PIAS3: variants seen among roughly 807,000 people sequenced by gnomAD.
PIAS3 encodes E3 SUMO-protein ligase PIAS3.
A neutral mutation model predicts 67.6 loss-of-function variants in PIAS3; 34 were observed. That is an observed-to-expected ratio of 0.50 (90% confidence interval 0.38 to 0.67). PIAS3 has a LOEUF of 0.67. PIAS3 is among the 30% of genes least tolerant of loss of function. The pLI is 0.00. For missense variants in PIAS3, 693 were observed against 791.6 expected (o/e 0.88, Z 1.49); for synonymous variants, 341 against 313.8 (o/e 1.09, Z -0.92).
At chr1:145,849,772 A>G in intron 13 of PIAS3, 60 bp from the exon 14 acceptor site, 14 of 1,511,292 alleles carry the variant, frequency 9.3e-6, no homozygotes, top group Non-Finnish European at 1.2e-5. Flanking sequence ...CCTCCCAGTC[A>G]CTCATCTCAG....
Position 145,849,119 on chromosome 1 carries a change from T to C in PIAS3, c.*327A>G, listed in dbSNP as rs141971114. The C allele has an allele frequency of 5.8e-4, 125 of 216,704 alleles. No individual in the cohort carries two copies. The highest frequency in any genetic ancestry group is 2.6e-3 in the African/African-American group (113 of 44,028). 13.4% of individuals were successfully genotyped at this position (216,704 alleles called of 1,614,324 possible). On this transcript the variant is annotated 3_prime_UTR_variant, in exon 14 of 14. Transcript: ENST00000393045. ...CCCCTTCCCCAAGAGGCTCTAGACA[T>C]AGTCAAGGCTGAGGGTTCAGCCCTT...
At position 145,850,930 on chromosome 1, in the gene PIAS3, T is replaced by C; in HGVS notation, c.1289A>G (p.Tyr430Cys). 6.2e-7 allele frequency: 1 copy of C among 1,614,188 alleles called. No individual in the cohort carries two copies. The highest frequency in any genetic ancestry group is 8.5e-7 in the Non-Finnish European group (1 of 1,180,032). ...PPGYGLDGLQ[Y>C]SPVQGGDPSE... ...TGGATCTCCCCCCTGGACTGGGCTG[T>C]ACTGGAGGCCTGTGGGTATTAAGAA... The change falls in exon 11 of 14, where the codon TAC (tyrosine) becomes TGC (cysteine). Residue 430 changes from tyrosine (Y) to cysteine (C), a missense_variant. By Grantham distance (194) the Tyr-to-Cys change is radical (BLOSUM62 -2). Transcript: ENST00000393045.
At chr1:145,849,912 A>C in intron 13 of PIAS3, 200 bp from the exon 14 acceptor site, 6 of 1,437,408 alleles carry the variant, frequency 4.2e-6, no homozygotes, top group Non-Finnish European at 4.5e-6. Flanking sequence ...AGCTCCTCCA[A>C]CTTGTTAGGT....
At chr1:145,854,713 G>C in intron 6 of PIAS3, 33 bp downstream of exon 6, 1 of 1,614,096 alleles carries the variant, frequency 6.2e-7, no homozygotes, top group South Asian at 1.1e-5. Flanking sequence ...CCCTCAGCAG[G>C]CTTTTCCAGG....
chr1:145,849,990 A>G (rs1271327369), intron 13 of PIAS3: 1 of 1,431,858 alleles, frequency 7.0e-7, no homozygotes, highest in Non-Finnish European at 9.1e-7. Flanking sequence ...CTCTAAGTGC[A>G]CACGGGGGTA....
Position 145,856,920 on chromosome 1 carries a change from G to C in PIAS3, c.111C>G (p.Leu37=), listed in dbSNP as rs994154843. 1 of 1,614,154 alleles carries C rather than the reference G, an allele frequency of 6.2e-7. No individual in the cohort carries two copies. Among genetic ancestry groups the C allele is most frequent in the Admixed American group, 1.7e-5 (1 of 60,030 alleles). Residue 37 remains leucine (L), a synonymous_variant, in exon 2 of 14, where the codon CTC becomes CTG. Coordinates refer to ENST00000393045, the MANE Select transcript of PIAS3 (RefSeq NM_006099.3). Reference sequence around the variant, plus strand: ...TCAGGAGGTGCAGAGCCTTGGCCAGGAGCTCGTGCTTCCGTCCACTCTTGT... The same window carrying C: ...TCAGGAGGTGCAGAGCCTTGGCCAGCAGCTCGTGCTTCCGTCCACTCTTGT... The part of the protein sequence containing the change: ...GRNKSGRKHE[L]LAKALHLLKS...
chr1:145,850,346 T>TG (rs1652906297), intron 12 of PIAS3, 77 bp from the exon 13 acceptor site: 1 of 1,612,550 alleles, frequency 6.2e-7, no homozygotes, highest in Non-Finnish European at 8.5e-7. Context: ...CTGTGGACTG[T>TG]GGCCCCTTGC....
Position 145,849,599 on chromosome 1 carries a change from C to T in PIAS3, c.1734G>A (p.Gly578=), listed in dbSNP as rs781984828. 3 of 1,613,162 alleles carry T rather than the reference C, an allele frequency of 1.9e-6. No individual in the cohort carries two copies. The highest frequency in any genetic ancestry group is 2.5e-6 in the Non-Finnish European group (3 of 1,179,674). ...CCGGAGTGGCGCTGCAGTGGGAGCT[C>T]CCCAGCGTGGGGGCCAGTGGGCCCA... The part of the protein sequence containing the change: ...HFLGPLAPTL[G]SSHCSATPAP... Residue 578 remains glycine (G), a synonymous_variant, in exon 14 of 14, where the codon GGG becomes GGA. Transcript: ENST00000393045.
chr1:145,856,003 G>C lies in PIAS3; in HGVS notation c.578+65C>G, dbSNP rs1570778279. The C allele has an allele frequency of 3.1e-6, 4 of 1,304,730 alleles. No individual in the cohort carries two copies. The East Asian group carries it at 9.2e-5, about 30-fold the overall frequency. The allele number at this position is 1,304,730 out of a possible 1,614,324, so 80.8% of individuals were successfully genotyped here. ...GCAGGGACATCTCGTAAGGGTATCTGTCATACCCCTACTTCACTCCTACCC... is the reference window on the plus strand; with the variant it reads ...GCAGGGACATCTCGTAAGGGTATCTCTCATACCCCTACTTCACTCCTACCC... On this transcript the variant is annotated intron_variant, in intron 4 of 13. Coordinates refer to ENST00000393045, the MANE Select transcript of PIAS3 (RefSeq NM_006099.3).
Position 145,856,590 on chromosome 1 carries a change from A to G in PIAS3, c.441T>C (p.Leu147=). 1 of 1,567,944 alleles carries G rather than the reference A, an allele frequency of 6.4e-7. No homozygotes were observed. The highest frequency in any genetic ancestry group is 2.2e-5 in the East Asian group (1 of 44,508). The change falls in exon 2 of 14, where the codon CTT becomes CTC. Residue 147 remains leucine, a splice_region_variant and synonymous_variant. Transcript: ENST00000393045. The part of the protein sequence containing the change: ...VYGELIRPTT[L]ASTSSQRFEE... Reference sequence around the variant, plus strand: ...CTAAGGGACCACAAAGAGCCATACCAAGGGTGGTGGGCCGGATGAGCTCCC... The same window carrying G: ...CTAAGGGACCACAAAGAGCCATACCGAGGGTGGTGGGCCGGATGAGCTCCC...
chr1:145,851,733 C>T (rs1559162944), intron 9 of PIAS3, among the ~76,000 whole-genome samples: 1 of 150,650 alleles, frequency 6.6e-6, no homozygotes, highest in Non-Finnish European at 1.5e-5. Flanking sequence ...GTGGGTGGAT[C>T]ACCTGAGGTC....
At chr1:145,855,920 A>G (rs1024537561) in intron 4 of PIAS3, 94 bp from the exon 5 acceptor site, 2 of 1,056,726 alleles carry the variant, frequency 1.9e-6, no homozygotes, top group African/African-American at 3.1e-5. Flanking sequence ...TCAGTCATAG[A>G]TGCCTGAAGC....
rs782273248 is a variant in PIAS3 at position 145,854,477 on chromosome 1, T to G, written c.891A>C (p.Pro297=). 6.2e-6 allele frequency: 10 copies of G among 1,613,690 alleles called. No homozygotes were observed. The highest frequency in any genetic ancestry group is 8.5e-6 in the Non-Finnish European group (10 of 1,179,568). Residue 297 remains proline, a synonymous_variant, in exon 7 of 14, where the codon CCA becomes CCC. Transcript: ENST00000393045. ...QKLRAKGIRN[P]DHSRALIKEK... ...ACTCACTCAGTGCCCGCGAGTGGTC[T>G]GGGTTCCGGATACCCTTTGCTCTGA...
chr1:145,850,117 C>T, intron 13 of PIAS3, 115 bp downstream of exon 13: 1 of 1,572,472 alleles, frequency 6.4e-7, no homozygotes, highest in Non-Finnish European at 8.6e-7. Context: ...ACCCCACTGC[C>T]CTCACGGGAA....
chr1:145,857,636 C>G (rs782523244), intron 1 of PIAS3, among the ~76,000 whole-genome samples: 7 of 152,162 alleles, frequency 4.6e-5, no homozygotes, highest in Non-Finnish European at 1.0e-4. Context: ...TTCCCCAGAT[C>G]CTTTCTTGGA....
intron 9 of PIAS3, among the ~76,000 whole-genome samples, chr1:145,852,123 T>A (rs1652987828): frequency 6.6e-6 from 1 of 152,138 alleles, no homozygotes; most frequent in Admixed American, 6.5e-5. Flanking sequence ...CCAGGCATGG[T>A]AGCTCATGCC....
At position 145,854,707 on chromosome 1, in the gene PIAS3, C is replaced by T; in HGVS notation, c.804+39G>A. ...ACACTGGATGGTTCCCCTTCACCCTCAGCAGGCTTTTCCAGGCACCTGCTT... is the reference window on the plus strand; with the variant it reads ...ACACTGGATGGTTCCCCTTCACCCTTAGCAGGCTTTTCCAGGCACCTGCTT... On this transcript the variant is annotated intron_variant, in intron 6 of 13. Coordinates refer to ENST00000393045, the MANE Select transcript of PIAS3 (RefSeq NM_006099.3). 3 of 1,613,820 alleles carry T rather than the reference C, an allele frequency of 1.9e-6. No homozygotes were observed. The South Asian group carries it at 3.3e-5, about 18-fold the overall frequency.
chr1:145,853,479 G>A (rs1553734791), intron 9 of PIAS3, 25 bp downstream of exon 9: 2 of 1,568,386 alleles, frequency 1.3e-6, no homozygotes, highest in Non-Finnish European at 1.7e-6. Context: ...GATGTCCTAG[G>A]TAAGAGGAAG....
Position 145,848,706 on chromosome 1 carries a change from C to T in PIAS3, c.*740G>A. The T allele has an allele frequency of 2.0e-6, 1 of 501,182 alleles. No individual in the cohort carries two copies. The highest frequency in any genetic ancestry group is 3.5e-6 in the Non-Finnish European group (1 of 284,016). The allele number at this position is 501,182 out of a possible 1,614,324, so 31.0% of individuals were successfully genotyped here. ...CCAGGCCTAACTACAGGGCCATGAG[C>T]CTCTAGAAGCTTAGGGGGGAATAAG... On this transcript the variant is annotated 3_prime_UTR_variant, in exon 14 of 14. Transcript: ENST00000393045.
Sources: gnomAD v4.1 joint callset for allele counts (sites outside exome capture counted in the v4.1 genomes callset) on GRCh38, gnomAD v4.1.1 for gene constraint, MANE v1.5 for transcripts, NCBI Gene and HGNC (gene_info 2026-07-23, HGNC 2026-07-21) for gene names.